Variants in CACNA1D observed in about 807,000 individuals in gnomAD.
CACNA1D encodes the protein calcium voltage-gated channel subunit alpha1 D.
A neutral mutation model predicts 257.1 loss-of-function variants in CACNA1D; 55 were observed. The observed-to-expected ratio is 0.21, with a 90% CI of 0.17 to 0.27. The LOEUF (loss-of-function observed/expected upper bound fraction) is 0.27, where lower values mean the gene tolerates loss of function less well. Ranked by LOEUF, CACNA1D falls within the 10% of genes least tolerant of loss-of-function variation. The probability of loss-of-function intolerance (pLI) is 1.00; values close to 1 mark genes in which losing one functional copy is unlikely to be tolerated. For missense variants in CACNA1D, 1,876 were observed against 2,784.0 expected (o/e 0.67, Z 7.34); for synonymous variants, 980 against 1,014.9 (o/e 0.97, Z 0.65).
intron 40 of CACNA1D, among the ~76,000 whole-genome samples, chr3:53,795,941 C>G (rs2106707401): frequency 6.6e-6 from 1 of 152,328 alleles, no homozygotes; most frequent in South Asian, 2.1e-4. Context: ...GGATGACTAA[C>G]AGAGCGCCAG....
chr3:53,798,384 C>T (rs770856622), intron 40 of CACNA1D, among the ~76,000 whole-genome samples: 3 of 152,152 alleles, frequency 2.0e-5, no homozygotes, highest in Non-Finnish European at 4.4e-5. Flanking sequence ...AGCATACCCA[C>T]ATGTGCATAT....
intron 3 of CACNA1D, among the ~76,000 whole-genome samples, chr3:53,596,794 G>A (rs2093376478): frequency 6.6e-6 from 1 of 152,224 alleles, no homozygotes; most frequent in Admixed American, 6.5e-5. Context: ...CTGACCTTCA[G>A]AACTGTAAGA....
intron 3 of CACNA1D, among the ~76,000 whole-genome samples, chr3:53,506,641 A>C (rs550320726): frequency 6.6e-6 from 1 of 152,362 alleles, no homozygotes; most frequent in South Asian, 2.1e-4. Context: ...GTTAATTATC[A>C]ACAATTGGCT....
chr3:53,656,672 C>T (rs1419239894), intron 4 of CACNA1D, among the ~76,000 whole-genome samples: 2 of 152,136 alleles, frequency 1.3e-5, no homozygotes, highest in Non-Finnish European at 2.9e-5. Context: ...ACAATACATA[C>T]ACTTGTATTC....
At chr3:53,675,289 T>A (rs2094364208) in intron 8 of CACNA1D, among the ~76,000 whole-genome samples, 1 of 152,196 alleles carries the variant, frequency 6.6e-6, no homozygotes, top group East Asian at 1.9e-4. Flanking sequence ...GAAGTGTCTC[T>A]CTCCTAGTAA....
intron 3 of CACNA1D, among the ~76,000 whole-genome samples, chr3:53,535,514 C>G (rs553050820): frequency 5.3e-5 from 8 of 152,292 alleles, no homozygotes; most frequent in Non-Finnish European, 8.8e-5. Context: ...CTTTACCTCC[C>G]ATGTAGAAAA....
Position 53,770,441 on chromosome 3 carries a change from T to C in CACNA1D, c.3933T>C (p.Asn1311=), listed in dbSNP as rs745604957. ...TATPGNSEES[N]RISITFFRLF... The stretch of plus-strand genomic sequence containing the variant: ...CCCTTCAGAACTCTGAAGAGAGCAA[T>C]AGAATCTCCATCACCTTTTTCCGTC... The change falls in exon 32 of 48, where the codon AAT becomes AAC. Residue 1311 remains asparagine (N), a synonymous_variant. Transcript: ENST00000350061. The C allele has an allele frequency of 8.1e-6, 13 of 1,613,880 alleles. No individual in the cohort carries two copies. Among genetic ancestry groups the C allele is most frequent in the East Asian group, 4.5e-5 (2 of 44,900 alleles).
chr3:53,578,194 G>T (rs2093070469), intron 3 of CACNA1D, among the ~76,000 whole-genome samples: 2 of 152,248 alleles, frequency 1.3e-5, no homozygotes, highest in South Asian at 4.2e-4. Context: ...CTGTTAGGGA[G>T]GTGGGAAGCT....
intron 46 of CACNA1D, 99 bp from the exon 47 acceptor site, chr3:53,809,879 C>A: frequency 9.1e-7 from 1 of 1,099,888 alleles, no homozygotes; most frequent in Non-Finnish European, 1.4e-6. Flanking sequence ...CTGGACTGCC[C>A]CTGGCGAGCG....
At chr3:53,782,262 GTGTATATATATATATA>G (rs981008144) in intron 39 of CACNA1D, 1 of 41,994 alleles carries the variant, frequency 2.4e-5, no homozygotes, top group South Asian at 1.2e-3. Flanking sequence ...GTGTGTGTGT[GTGTATATATATATATA>G]TATATATATA....
chr3:53,625,564 G>A (rs1001191535), intron 3 of CACNA1D, among the ~76,000 whole-genome samples: 3 of 152,020 alleles, frequency 2.0e-5, no homozygotes, highest in Admixed American at 6.6e-5. Flanking sequence ...TCATGACATC[G>A]TTCTCTGTAC....
chr3:53,518,534 A>G lies in CACNA1D; in HGVS notation c.483+16814A>G, dbSNP rs1452458105. Among the ~76,000 whole-genome samples, 5 of 152,282 alleles carry G rather than the reference A, an allele frequency of 3.3e-5. No individual in the cohort carries two copies. The East Asian group carries it at 9.7e-4, about 29-fold the overall frequency. ...GCTTAATGAAGATATCAGAACTTGC[A>G]CAACCCACACATAGGGCTCCCATCA... On this transcript the variant is annotated intron_variant, in intron 3 of 47. Transcript: ENST00000350061.
At chr3:53,655,469 G>A (rs1418752400) in intron 4 of CACNA1D, among the ~76,000 whole-genome samples, 8 of 152,042 alleles carry the variant, frequency 5.3e-5, no homozygotes, top group Admixed American at 3.3e-4. Context: ...CTGCAACCTC[G>A]TCAGCATCTG....
chr3:53,514,642 T>C (rs569964388), intron 3 of CACNA1D, among the ~76,000 whole-genome samples: 2 of 152,296 alleles, frequency 1.3e-5, no homozygotes, highest in African/African-American at 4.8e-5. Flanking sequence ...AGGTTTAAGA[T>C]GGGCTTCAGC....
At chr3:53,498,833 TG>T (rs1452766366) in intron 2 of CACNA1D, among the ~76,000 whole-genome samples, 3 of 152,210 alleles carry the variant, frequency 2.0e-5, no homozygotes, top group African/African-American at 7.2e-5. Flanking sequence ...GGGGTTCTCA[TG>T]TGCTTTTTCA....
intron 3 of CACNA1D, among the ~76,000 whole-genome samples, chr3:53,632,815 G>A (rs753242930): frequency 6.6e-6 from 1 of 152,220 alleles, no homozygotes; most frequent in Non-Finnish European, 1.5e-5. Flanking sequence ...TATCAATTTT[G>A]TTCACAGTCT....
Position 53,495,188 on chromosome 3 carries a change from A to C in CACNA1D, c.22A>C (p.Lys8Gln). The change falls in exon 1 of 48, where the codon AAA (lysine) becomes CAA (glutamine). Residue 8 changes from lysine to glutamine, a missense_variant. This residue lies in a region of CACNA1D where 143 missense variants were observed against 168.7 expected (regional missense o/e 0.85). Transcript: ENST00000350061. The surrounding 1 kb of genome is among the most constrained non-coding windows in gnomAD (Gnocchi z 5.1). Reference sequence around the variant, plus strand: ...GTGGATGATGATGATGATGATGATGAAAAAAATGCAGCATCAACGGCAGCA... The same window carrying C: ...GTGGATGATGATGATGATGATGATGCAAAAAATGCAGCATCAACGGCAGCA... MMMMMMM[K>Q]KMQHQRQQQA... 1 of 1,612,858 alleles carries C rather than the reference A, an allele frequency of 6.2e-7. No homozygotes were observed. Among genetic ancestry groups the C allele is most frequent in the Non-Finnish European group, 8.5e-7 (1 of 1,179,442 alleles).
chr3:53,703,901 C>T (rs1470783842), intron 9 of CACNA1D, among the ~76,000 whole-genome samples: 2 of 152,140 alleles, frequency 1.3e-5, no homozygotes, highest in Admixed American at 6.5e-5. Context: ...GGGCAGGCAC[C>T]GCCGACGAGG....
chr3:53,787,314 AGCTTTCCATCTGAAC>A (rs894592485), intron 40 of CACNA1D, among the ~76,000 whole-genome samples: 1 of 152,138 alleles, frequency 6.6e-6, no homozygotes, highest in African/African-American at 2.4e-5. Context: ...GTGAATGAAC[AGCTTTCCATCTGAAC>A]GCAAGTGCTT....
Sources: allele counts gnomAD v4.1 joint callset (sites outside exome capture counted in the v4.1 genomes callset), GRCh38; gene constraint gnomAD v4.1.1; regional missense constraint gnomAD v4.1.1; non-coding constraint Gnocchi (gnomAD v3.1); transcripts MANE v1.5; gene names NCBI Gene and HGNC (gene_info 2026-07-23, HGNC 2026-07-21).